The following FANCB variants were observed in gnomAD, a reference collection of about 807,000 sequenced individuals.
FANCB encodes Fanconi anemia group B protein.
A neutral mutation model predicts 38.9 loss-of-function variants in FANCB; 5 were observed. The observed-to-expected ratio is 0.13, with a 90% CI of 0.07 to 0.27. FANCB has a LOEUF of 0.27. Ranked by LOEUF, FANCB falls within the 10% of genes least tolerant of loss-of-function variation. FANCB has a pLI of 1.00. For missense variants in FANCB, 573 were observed against 602.7 expected, an observed-to-expected ratio of 0.95 and a Z score of 0.52; for synonymous variants, 236 against 215.4, an observed-to-expected ratio of 1.10 and a Z score of -0.84.
chrX:14,730,865 T>G, the FANCB span: 1 of 168,264 alleles, frequency 5.9e-6, no homozygotes, highest in African/African-American at 3.2e-5. Flanking sequence ...TGGCTTTGAC[T>G]AATTCTGGTA....
chrX:14,868,534 T>C (rs113466131), intron 2 of FANCB, among the ~76,000 whole-genome samples: 23,566 of 109,675 alleles, frequency 0.21, 2,362 homozygotes, highest in Non-Finnish European at 0.31. Context: ...TTTAAAAGAG[T>C]TGCTATCATA....
chrX:14,803,803 C>T, the FANCB span, among the ~76,000 whole-genome samples: 5 of 110,816 alleles, frequency 4.5e-5, no homozygotes, highest in African/African-American at 1.6e-4. Context: ...AACACACAAC[C>T]CCATCAAAAA....
At chrX:14,788,347 A>C in the FANCB span, among the ~76,000 whole-genome samples, 1 of 111,785 alleles carries the variant, frequency 8.9e-6, no homozygotes, top group Non-Finnish European at 1.9e-5. Context: ...ATACGGACTC[A>C]GACATCCAAG....
the FANCB span, among the ~76,000 whole-genome samples, chrX:14,713,703 A>G: frequency 9.0e-6 from 1 of 111,478 alleles, no homozygotes; most frequent in African/African-American, 3.2e-5. Context: ...CAGAGTTTGC[A>G]TGGCCCACAA....
At chrX:14,759,250 G>T in the FANCB span, among the ~76,000 whole-genome samples, 1 of 111,658 alleles carries the variant, frequency 9.0e-6, no homozygotes, top group Non-Finnish European at 1.9e-5. Flanking sequence ...AAGAATAATT[G>T]GAGTTCCTGA....
At chrX:14,866,597 T>C (rs1326119006) in intron 2 of FANCB, among the ~76,000 whole-genome samples, 1 of 111,498 alleles carries the variant, frequency 9.0e-6, no homozygotes, top group Admixed American at 9.5e-5. Flanking sequence ...AACAAACTCA[T>C]TGTAAGAAAG....
chrX:14,738,739 G>A, the FANCB span, among the ~76,000 whole-genome samples: 12 of 112,045 alleles, frequency 1.1e-4, no homozygotes, highest in African/African-American at 3.2e-4. Context: ...GCCCTAAACC[G>A]ATGCTACAAA....
At chrX:14,739,491 C>G in the FANCB span, among the ~76,000 whole-genome samples, 3 of 112,179 alleles carry the variant, frequency 2.7e-5, no homozygotes, top group African/African-American at 9.7e-5. Flanking sequence ...AGTAAAAGGT[C>G]ATGGTACCAC....
At chrX:14,718,844 T>C in the FANCB span, among the ~76,000 whole-genome samples, 2 of 111,680 alleles carry the variant, frequency 1.8e-5, no homozygotes, top group Non-Finnish European at 3.8e-5. Flanking sequence ...TGAACTAACA[T>C]TGGAAGTCAT....
chrX:14,834,812 A>C (rs1327210922), downstream of FANCB: 5 of 563,415 alleles, frequency 8.9e-6, no homozygotes. Flanking sequence ...CCTCATCATC[A>C]AAATCATCAT....
At chrX:14,817,547 G>A in the FANCB span, among the ~76,000 whole-genome samples, 3 of 111,401 alleles carry the variant, frequency 2.7e-5, no homozygotes, top group Non-Finnish European at 3.8e-5. Flanking sequence ...GTAAATTAAA[G>A]GGCAGACATT....
At chrX:14,723,912 T>C in the FANCB span, among the ~76,000 whole-genome samples, 2 of 112,019 alleles carry the variant, frequency 1.8e-5, no homozygotes, top group African/African-American at 6.5e-5. Flanking sequence ...GATTACTTTA[T>C]TGTTTCCCTT....
At chrX:14,723,678 C>T in the FANCB span, among the ~76,000 whole-genome samples, 1 of 111,556 alleles carries the variant, frequency 9.0e-6, no homozygotes, top group Non-Finnish European at 1.9e-5. Context: ...GCCTCAGTTG[C>T]ATCCCTCAAT....
At chrX:14,694,076 A>C in the FANCB span, among the ~76,000 whole-genome samples, 2 of 111,918 alleles carry the variant, frequency 1.8e-5, no homozygotes, top group African/African-American at 6.5e-5. Flanking sequence ...ACTATGAAAA[A>C]AAACACAAAG....
At chrX:14,748,531 G>T in the FANCB span, among the ~76,000 whole-genome samples, 1 of 112,617 alleles carries the variant, frequency 8.9e-6, no homozygotes, top group Non-Finnish European at 1.9e-5. Flanking sequence ...AATACACTCA[G>T]TAAATGTATG....
chrX:14,863,961 C>T (rs1045425597), intron 3 of FANCB, among the ~76,000 whole-genome samples: 18 of 110,993 alleles, frequency 1.6e-4, no homozygotes, highest in African/African-American at 5.6e-4. Context: ...ATGGTAAAAC[C>T]CCATCTCTAC....
chrX:14,762,753 T>G, the FANCB span, among the ~76,000 whole-genome samples: 4 of 111,992 alleles, frequency 3.6e-5, no homozygotes, highest in Non-Finnish European at 7.5e-5. Context: ...AACACCAGAC[T>G]CAATAAACCT....
the FANCB span, among the ~76,000 whole-genome samples, chrX:14,809,624 G>C: frequency 2.7e-5 from 3 of 112,448 alleles, no homozygotes; most frequent in African/African-American, 6.5e-5. Flanking sequence ...AGGCAGGCTG[G>C]GGAAGGGGCG....
At chrX:14,767,077 T>C in the FANCB span, among the ~76,000 whole-genome samples, 1 of 112,434 alleles carries the variant, frequency 8.9e-6, no homozygotes, top group Non-Finnish European at 1.9e-5. Context: ...ACATTTTCTT[T>C]ATCTAGTTTC....
Sources: allele counts gnomAD v4.1 joint callset (sites outside exome capture counted in the v4.1 genomes callset), GRCh38; gene constraint gnomAD v4.1.1; transcripts MANE v1.5; gene names NCBI Gene and HGNC (gene_info 2026-07-23, HGNC 2026-07-21).